MYOZ1: variants seen among roughly 807,000 people sequenced by gnomAD.
MYOZ1 encodes myozenin-1.
MYOZ1 carries 20 observed loss-of-function variants against 28.7 expected under a neutral mutation model. That is an observed-to-expected ratio of 0.70 (90% confidence interval 0.49 to 1.01). The LOEUF is 1.01. MYOZ1 is among the 50% of genes least tolerant of loss of function. MYOZ1 has a pLI of 0.00. For missense variants in MYOZ1, 371 were observed against 372.4 expected (o/e 1.00, Z 0.03); for synonymous variants, 144 against 145.8 (o/e 0.99, Z 0.09).
At chr10:73,638,292 C>CATATATATATATAT (rs56801610) in intron 2 of MYOZ1, among the ~76,000 whole-genome samples, 4 of 143,242 alleles carry the variant, frequency 2.8e-5, no homozygotes, top group African/African-American at 1.0e-4. Context: ...ATACAGATGC[C>CATATATATATATAT]ATATATATAT....
chr10:73,631,794 T>G lies in MYOZ1; in HGVS notation c.*136A>C. ...TGGAGTGGGGACTTGGAGTAAAGGA[T>G]GGAAAGGTAGATCTCTCCTTTTTCC... On this transcript the variant is annotated 3_prime_UTR_variant, in exon 6 of 6. Coordinates refer to ENST00000359322, the MANE Select transcript of MYOZ1 (RefSeq NM_021245.4). 1 of 757,070 alleles carries G rather than the reference T, an allele frequency of 1.3e-6. No homozygotes were observed. The highest frequency in any genetic ancestry group is 1.8e-5 in the South Asian group (1 of 55,774). The allele number at this position is 757,070 out of a possible 1,614,324, so 46.9% of individuals were successfully genotyped here. A position where few individuals can be genotyped will look rare whatever the true frequency, so the allele number is the denominator to read the frequency against.
At chr10:73,634,969 G>A (rs2081658723) in intron 3 of MYOZ1, among the ~76,000 whole-genome samples, 1 of 152,160 alleles carries the variant, frequency 6.6e-6, no homozygotes. Context: ...TTGTTGCCCA[G>A]GCTGGAGTGT....
At chr10:73,636,812 T>TA (rs1000417812) in intron 3 of MYOZ1, among the ~76,000 whole-genome samples, 4 of 152,080 alleles carry the variant, frequency 2.6e-5, no homozygotes, top group Non-Finnish European at 4.4e-5. Context: ...TTACTTATAC[T>TA]AAAAAAATTA....
At chr10:73,635,424 C>T (rs564655171) in intron 3 of MYOZ1, among the ~76,000 whole-genome samples, 269 of 152,222 alleles carry the variant, frequency 1.8e-3, no homozygotes, top group Non-Finnish European at 3.1e-3. Flanking sequence ...CTCTGTCACC[C>T]AGGTTGGAGT....
At chr10:73,640,294 T>C (rs2081695998) in intron 1 of MYOZ1, among the ~76,000 whole-genome samples, 2 of 152,066 alleles carry the variant, frequency 1.3e-5, no homozygotes, top group Admixed American at 6.6e-5. Context: ...GGACTATAGG[T>C]GCGCACCACC....
At chr10:73,633,752 GA>G (rs2081649774) in intron 5 of MYOZ1, 147 bp downstream of exon 5, 2 of 875,504 alleles carry the variant, frequency 2.3e-6, no homozygotes, top group South Asian at 4.2e-5. Context: ...GAGATAGAGT[GA>G]AAAGAGCAGG....
At chr10:73,638,815 C>A (rs575453609) in intron 2 of MYOZ1, among the ~76,000 whole-genome samples, 1 of 151,494 alleles carries the variant, frequency 6.6e-6, no homozygotes, top group Non-Finnish European at 1.5e-5. Flanking sequence ...TACAGGCACC[C>A]GGCACCATGC....
chr10:73,633,735 T>C (rs1332944137), intron 5 of MYOZ1, among the ~76,000 whole-genome samples, 165 bp downstream of exon 5: 1 of 152,188 alleles, frequency 6.6e-6, no homozygotes, highest in Admixed American at 6.6e-5. Flanking sequence ...ACTGCTATGA[T>C]GAAGCTGAGA....
At position 73,631,754 on chromosome 10, in the gene MYOZ1, G is replaced by A; in HGVS notation, c.*176C>T. 1 of 606,918 alleles carries A rather than the reference G, an allele frequency of 1.6e-6. No individual in the cohort carries two copies. Among genetic ancestry groups the A allele is most frequent in the Non-Finnish European group, 2.9e-6 (1 of 346,094 alleles). The allele number at this position is 606,918 out of a possible 1,614,324, so 37.6% of individuals were successfully genotyped here. A position where few individuals can be genotyped will look rare whatever the true frequency, so the allele number is the denominator to read the frequency against. On this transcript the variant is annotated 3_prime_UTR_variant, in exon 6 of 6. Transcript: ENST00000359322. ...CAAGTAGAAGGGGAGCTCTGAGTTGGTGAGGAAGGATGCGTGGAGTGGGGA... is the reference window on the plus strand; with the variant it reads ...CAAGTAGAAGGGGAGCTCTGAGTTGATGAGGAAGGATGCGTGGAGTGGGGA...
intron 3 of MYOZ1, 59 bp downstream of exon 3, chr10:73,637,685 C>T: frequency 6.6e-7 from 1 of 1,513,370 alleles, no homozygotes; most frequent in Non-Finnish European, 9.0e-7. Context: ...TCAGGGCCTA[C>T]TAACAAGCTG....
At chr10:73,633,308 G>GGAAA (rs1329121678) in intron 5 of MYOZ1, among the ~76,000 whole-genome samples, 1 of 151,820 alleles carries the variant, frequency 6.6e-6, no homozygotes, top group Non-Finnish European at 1.5e-5. Context: ...AGAAAAAGAA[G>GGAAA]GAAAGAAAGA....
chr10:73,640,109 A>G, intron 1 of MYOZ1, 74 bp from the exon 2 acceptor site: 2 of 1,303,946 alleles, frequency 1.5e-6, no homozygotes, highest in Admixed American at 3.8e-5. Context: ...GGAGAGCAGC[A>G]CTTCTTAACC....
intron 2 of MYOZ1, among the ~76,000 whole-genome samples, chr10:73,639,440 A>G (rs113951789): frequency 1.3e-5 from 2 of 152,266 alleles, no homozygotes; most frequent in African/African-American, 4.8e-5. Flanking sequence ...TGTCTTAACT[A>G]CTTTCCCTTT....
At chr10:73,637,694 T>G in intron 3 of MYOZ1, 50 bp downstream of exon 3, 1 of 1,535,920 alleles carries the variant, frequency 6.5e-7, no homozygotes, top group Non-Finnish European at 8.8e-7. Context: ...ACTAACAAGC[T>G]GTCAGAACAG....
intron 3 of MYOZ1, among the ~76,000 whole-genome samples, chr10:73,637,007 TTTCTTTC>T (rs1164274038): frequency 2.8e-5 from 4 of 140,720 alleles, no homozygotes; most frequent in African/African-American, 6.0e-5. Flanking sequence ...TTTTTTCTTT[TTTCTTTC>T]TTTTTTTTTT....
intron 3 of MYOZ1, among the ~76,000 whole-genome samples, chr10:73,635,376 T>C (rs77794861): frequency 8.0e-5 from 12 of 150,278 alleles, no homozygotes; most frequent in Middle Eastern, 3.4e-3. Flanking sequence ...AAAAAAAAAA[T>C]GAAAAAAAAT....
chr10:73,640,270 C>A (rs747797138), intron 1 of MYOZ1, among the ~76,000 whole-genome samples: 4 of 152,328 alleles, frequency 2.6e-5, no homozygotes, highest in Non-Finnish European at 4.4e-5. Flanking sequence ...CAACTTCAGC[C>A]TCCCAAGTAG....
chr10:73,634,150 A>C (rs1047413091), intron 4 of MYOZ1, 85 bp from the exon 5 acceptor site: 9 of 1,470,476 alleles, frequency 6.1e-6, no homozygotes, highest in African/African-American at 5.6e-5. Flanking sequence ...ACACTAGGGA[A>C]ATTGCAAGAG....
chr10:73,634,339 T>G (rs1323692470), intron 4 of MYOZ1, 145 bp downstream of exon 4: 4 of 1,040,840 alleles, frequency 3.8e-6, no homozygotes, highest in Non-Finnish European at 5.3e-6. Flanking sequence ...CCAAGATATT[T>G]ATGATATTTA....
Sources: allele counts gnomAD v4.1 joint callset (sites outside exome capture counted in the v4.1 genomes callset), GRCh38; gene constraint gnomAD v4.1.1; transcripts MANE v1.5; gene names NCBI Gene and HGNC (gene_info 2026-07-23, HGNC 2026-07-21).